Variants in ADAM20 observed in about 807,000 individuals in gnomAD.
ADAM20 encodes the protein disintegrin and metalloproteinase domain-containing protein 20.
For synonymous variants in ADAM20, 305 were observed against 310.2 expected (o/e 0.98, Z 0.18); for missense variants, 871 against 883.2 (o/e 0.99, Z 0.18).
At chr14:70,578,082 AAAC>A in the ADAM20 span, among the ~76,000 whole-genome samples, 2 of 152,158 alleles carry the variant, frequency 1.3e-5, no homozygotes, top group South Asian at 2.1e-4. Context: ...ACAGAATGAA[AAAC>A]AACTCACACA....
the ADAM20 span, among the ~76,000 whole-genome samples, chr14:70,575,557 G>C: frequency 6.6e-6 from 1 of 152,002 alleles, no homozygotes; most frequent in African/African-American, 2.4e-5. Context: ...CCTTGTTCGT[G>C]GTAATGGTAT....
At position 70,523,846 on chromosome 14, in the gene ADAM20, T is replaced by TTGTG. The variant is rs1162831487; in HGVS notation, c.908_911dup (p.Gln304HisfsTer12). The TTGTG allele has an allele frequency of 6.2e-7, 1 of 1,614,004 alleles. No homozygotes were observed. ...CATAGGCAACACCAAGCTTCATGCC[T>TTGTG]TGTGTGTCTTTTATGAAAAGATGTG... On this transcript the variant is annotated frameshift_variant, in exon 2 of 2. Coordinates refer to ENST00000256389, the MANE Select transcript of ADAM20 (RefSeq NM_003814.5). LOFTEE classifies it low-confidence loss of function (END_TRUNC).
At chr14:70,539,971 G>T (rs375937864), upstream of ADAM20, among the ~76,000 whole-genome samples, 27 of 152,146 alleles carry the variant, frequency 1.8e-4, no homozygotes, top group African/African-American at 6.3e-4. Context: ...ACAACCTGCC[G>T]ATCCGCCTGG....
At chr14:70,566,463 C>A in the ADAM20 span, among the ~76,000 whole-genome samples, 3 of 151,488 alleles carry the variant, frequency 2.0e-5, no homozygotes, top group Admixed American at 2.0e-4. Flanking sequence ...AATCAAAGCA[C>A]AACACTACAA....
chr14:70,532,998 C>G (rs1056108208), intron 1 of ADAM20, among the ~76,000 whole-genome samples: 11 of 152,288 alleles, frequency 7.2e-5, no homozygotes, highest in Admixed American at 3.9e-4. Flanking sequence ...GATCTCACCT[C>G]TAGCTTGGAT....
intron 1 of ADAM20, among the ~76,000 whole-genome samples, chr14:70,534,330 A>T (rs922690050): frequency 1.3e-5 from 2 of 152,122 alleles, no homozygotes; most frequent in African/African-American, 4.8e-5. Flanking sequence ...AAATAGAACT[A>T]CCATATGATC....
At chr14:70,532,505 A>C (rs1426855599) in intron 1 of ADAM20, among the ~76,000 whole-genome samples, 2 of 152,170 alleles carry the variant, frequency 1.3e-5, no homozygotes, top group Non-Finnish European at 2.9e-5. Flanking sequence ...AGCAAAGGAG[A>C]CAATCAACAG....
At chr14:70,577,030 A>C in the ADAM20 span, among the ~76,000 whole-genome samples, 4 of 152,184 alleles carry the variant, frequency 2.6e-5, no homozygotes, top group Admixed American at 6.5e-5. Context: ...GTACAAGAAC[A>C]AGCATTCAAA....
chr14:70,563,367 T>C, the ADAM20 span, among the ~76,000 whole-genome samples: 547 of 152,262 alleles, frequency 3.6e-3, 3 homozygotes, highest in African/African-American at 0.013. Flanking sequence ...GACATCAAGA[T>C]GGCAGAGCAG....
chr14:70,555,418 T>A, the ADAM20 span, among the ~76,000 whole-genome samples: 3 of 152,178 alleles, frequency 2.0e-5, no homozygotes, highest in Admixed American at 6.5e-5. Context: ...GTCAATTTTT[T>A]AAAAAAAGGT....
At chr14:70,558,491 G>T in the ADAM20 span, among the ~76,000 whole-genome samples, 1 of 151,932 alleles carries the variant, frequency 6.6e-6, no homozygotes, top group Non-Finnish European at 1.5e-5. Flanking sequence ...GTATGAATGT[G>T]TGTGTGTGTG....
chr14:70,568,999 C>A, the ADAM20 span, among the ~76,000 whole-genome samples: 1 of 150,348 alleles, frequency 6.7e-6, no homozygotes, highest in Admixed American at 6.6e-5. Flanking sequence ...AAGGTTAATA[C>A]AAAAAAAAAC....
the ADAM20 span, among the ~76,000 whole-genome samples, chr14:70,563,251 C>T: frequency 4.9e-4 from 75 of 152,096 alleles, no homozygotes; most frequent in Non-Finnish European, 9.3e-4. Flanking sequence ...TACAACCTCA[C>T]GACTGGAGTA....
At chr14:70,544,414 T>C in the ADAM20 span, among the ~76,000 whole-genome samples, 25 of 152,166 alleles carry the variant, frequency 1.6e-4, no homozygotes, top group African/African-American at 2.2e-4. Flanking sequence ...AAATGCATAA[T>C]AGAAAATTTA....
chr14:70,571,347 G>C, the ADAM20 span, among the ~76,000 whole-genome samples: 1 of 152,262 alleles, frequency 6.6e-6, no homozygotes, highest in East Asian at 1.9e-4. Flanking sequence ...TTGGGATAGT[G>C]AATCAGTTCT....
chr14:70,566,668 C>T, the ADAM20 span, among the ~76,000 whole-genome samples: 2 of 152,070 alleles, frequency 1.3e-5, no homozygotes, highest in Non-Finnish European at 2.9e-5. Context: ...CCCAGAGAAA[C>T]CTGGAATCCT....
chr14:70,536,252 G>A (rs1190863203), upstream of ADAM20, among the ~76,000 whole-genome samples: 1 of 151,858 alleles, frequency 6.6e-6, no homozygotes, highest in African/African-American at 2.4e-5. Context: ...GATCACCTGA[G>A]GTCAGGAGTT....
the ADAM20 span, among the ~76,000 whole-genome samples, chr14:70,573,237 G>A: frequency 3.3e-5 from 5 of 152,170 alleles, no homozygotes; most frequent in Admixed American, 6.5e-5. Flanking sequence ...TATATACCAT[G>A]GAATACTACA....
chr14:70,559,838 G>A, the ADAM20 span, among the ~76,000 whole-genome samples: 69 of 152,176 alleles, frequency 4.5e-4, 1 homozygote, highest in Admixed American at 1.8e-3. Flanking sequence ...GATGAAGAAA[G>A]GAAAGAAGCA....
Sources: gnomAD v4.1 joint callset for allele counts (sites outside exome capture counted in the v4.1 genomes callset) on GRCh38, gnomAD v4.1.1 for gene constraint, MANE v1.5 for transcripts, NCBI Gene and HGNC (gene_info 2026-07-23, HGNC 2026-07-21) for gene names.